The following STARD9 variants were observed in gnomAD, a reference collection of about 807,000 sequenced individuals.
The protein encoded by STARD9 is stAR-related lipid transfer protein 9.
Under a neutral mutation model 399.8 loss-of-function variants are expected in STARD9, and 346 were observed. That is an observed-to-expected ratio of 0.87 (90% CI 0.79 to 0.95). The LOEUF (loss-of-function observed/expected upper bound fraction) is 0.95. Ranked by LOEUF, STARD9 falls within the 40% of genes least tolerant of loss-of-function variation. The pLI, the probability that STARD9 is intolerant of heterozygous loss-of-function variation, is 0.00. For missense variants in STARD9, 5,832 were observed against 5,667.5 expected (o/e 1.03, Z -0.93); for synonymous variants, 2,203 against 2,143.5 (o/e 1.03, Z -0.77).
At chr15:42,576,498 C>T (rs1566844560) in intron 1 of STARD9, among the ~76,000 whole-genome samples, 1 of 151,982 alleles carries the variant, frequency 6.6e-6, no homozygotes, top group East Asian at 1.9e-4. Flanking sequence ...GTTTAAAGAG[C>T]CTTCTATGTA....
chr15:42,693,165 T>TC lies in STARD9; in HGVS notation c.11591dup (p.His3865SerfsTer41), dbSNP rs1459453923. 2 of 1,536,918 alleles carry TC rather than the reference T, an allele frequency of 1.3e-6. No homozygotes were observed. Among genetic ancestry groups the TC allele is most frequent in the African/African-American group, 2.7e-5 (2 of 72,952 alleles). ...AGTTGTCAGCAGTCCCAGTCCCAGCTCCCCTCATTCCCCAGGGCTCTTTCC... is the reference window on the plus strand; with the variant it reads ...AGTTGTCAGCAGTCCCAGTCCCAGCTCCCCCTCATTCCCCAGGGCTCTTTCC... On this transcript the variant is annotated frameshift_variant, in exon 23 of 33. Coordinates refer to ENST00000290607, the MANE Select transcript of STARD9 (RefSeq NM_020759.3). LOFTEE classifies it high-confidence loss of function.
chr15:42,644,207 T>C (rs1349045889), intron 7 of STARD9, among the ~76,000 whole-genome samples: 1 of 152,208 alleles, frequency 6.6e-6, no homozygotes, highest in African/African-American at 2.4e-5. Flanking sequence ...AAAATGTACA[T>C]ACTTGGCCGG....
chr15:42,703,417 G>A (rs1595809617), intron 26 of STARD9, among the ~76,000 whole-genome samples: 1 of 150,264 alleles, frequency 6.7e-6, no homozygotes, highest in Non-Finnish European at 1.5e-5. Context: ...AGGCTGGAGT[G>A]CAGTGGCACA....
chr15:42,654,680 A>G (rs2059828059), intron 9 of STARD9, among the ~76,000 whole-genome samples: 1 of 152,156 alleles, frequency 6.6e-6, no homozygotes, highest in South Asian at 2.1e-4. Flanking sequence ...CATTTTTTAC[A>G]ATAGCTGAAA....
intron 3 of STARD9, among the ~76,000 whole-genome samples, chr15:42,594,317 T>A (rs1595597923): frequency 6.6e-6 from 1 of 152,196 alleles, no homozygotes; most frequent in East Asian, 1.9e-4. Flanking sequence ...TAAAGGAATG[T>A]TGATCCTGCG....
In STARD9 at chr15:42,684,639, C is replaced by T; in HGVS notation, c.3061C>T (p.His1021Tyr). ...YPHGPRQTAG[H>Y]GKAVKTFWTE... The stretch of plus-strand genomic sequence containing the variant: ...TCATGGACCCAGGCAGACTGCTGGG[C>T]ACGGAAAGGCAGTCAAGACTTTTTG... Residue 1021 changes from histidine (H) to tyrosine (Y), a missense_variant, in exon 23 of 33, where the codon CAC becomes TAC. Transcript: ENST00000290607. The T allele has an allele frequency of 1.3e-6, 2 of 1,537,096 alleles. No homozygotes were observed. The highest frequency in any genetic ancestry group is 1.7e-6 in the Non-Finnish European group (2 of 1,146,850).
intron 3 of STARD9, among the ~76,000 whole-genome samples, chr15:42,596,914 C>T (rs1417011698): frequency 1.3e-5 from 2 of 152,178 alleles, no homozygotes; most frequent in Admixed American, 1.3e-4. Flanking sequence ...TCCCACTCAT[C>T]TTATTCTCTA....
intron 3 of STARD9, among the ~76,000 whole-genome samples, chr15:42,603,526 C>T (rs2058670216): frequency 2.6e-5 from 4 of 152,034 alleles, no homozygotes; most frequent in African/African-American, 9.7e-5. Flanking sequence ...CCCCATAGAG[C>T]CAATTTACCG....
At chr15:42,576,246 G>T (rs2058053493) in intron 1 of STARD9, among the ~76,000 whole-genome samples, 1 of 152,124 alleles carries the variant, frequency 6.6e-6, no homozygotes, top group African/African-American at 2.4e-5. Context: ...CACAGGTCGC[G>T]GTTTCTTTCT....
intron 3 of STARD9, among the ~76,000 whole-genome samples, chr15:42,596,056 G>A (rs2058497563): frequency 6.6e-6 from 1 of 152,216 alleles, no homozygotes; most frequent in African/African-American, 2.4e-5. Flanking sequence ...AAAATGAACA[G>A]TGGAAACTAG....
intron 1 of STARD9, among the ~76,000 whole-genome samples, chr15:42,576,200 CAGA>C (rs2058052694): frequency 1.3e-5 from 2 of 152,148 alleles, no homozygotes; most frequent in South Asian, 2.1e-4. Flanking sequence ...GTGGAGAAAG[CAGA>C]AGGTGAGGGC....
intron 3 of STARD9, among the ~76,000 whole-genome samples, chr15:42,589,391 G>A (rs550144623): frequency 8.5e-5 from 13 of 152,188 alleles, no homozygotes; most frequent in African/African-American, 3.1e-4. Flanking sequence ...ATTCAGGTGT[G>A]TAACTGACAC....
chr15:42,592,802 A>T (rs1217761568), intron 3 of STARD9, among the ~76,000 whole-genome samples: 1 of 152,158 alleles, frequency 6.6e-6, no homozygotes, highest in African/African-American at 2.4e-5. Context: ...AGTATTTGTT[A>T]ATATTTGGAC....
At chr15:42,647,090 C>A (rs1183411053) in intron 7 of STARD9, among the ~76,000 whole-genome samples, 1 of 152,158 alleles carries the variant, frequency 6.6e-6, no homozygotes, top group African/African-American at 2.4e-5. Flanking sequence ...GGTCACAGAT[C>A]ATCATAACAG....
Position 42,693,665 on chromosome 15 carries a change from C to T in STARD9, c.12087C>T (p.Asn4029=), listed in dbSNP as rs2060770756. Reference sequence around the variant, plus strand: ...GGCACAGGAGCCAAAGGCTGGGCAACAGCTTTGTGCCTGAGAAGGTGGCTT... The same window carrying T: ...GGCACAGGAGCCAAAGGCTGGGCAATAGCTTTGTGCCTGAGAAGGTGGCTT... ...PLRHRSQRLG[N]SFVPEKVASP... is the part of the protein sequence containing the mutation. The change falls in exon 23 of 33, where the codon AAC becomes AAT. Residue 4029 remains asparagine, a synonymous_variant. Coordinates refer to ENST00000290607, the MANE Select transcript of STARD9 (RefSeq NM_020759.3). The T allele has an allele frequency of 1.3e-6, 2 of 1,537,232 alleles. No homozygotes were observed. The highest frequency in any genetic ancestry group is 1.7e-6 in the Non-Finnish European group (2 of 1,146,918).
intron 22 of STARD9, 45 bp downstream of exon 22, chr15:42,682,620 C>T (rs2060459085): frequency 6.9e-7 from 1 of 1,444,934 alleles, no homozygotes; most frequent in Non-Finnish European, 9.2e-7. Context: ...TTAAAGTTTA[C>T]AACCTTCTTG....
At chr15:42,629,678 GT>G (rs1429024399) in intron 3 of STARD9, among the ~76,000 whole-genome samples, 1 of 152,110 alleles carries the variant, frequency 6.6e-6, no homozygotes, top group East Asian at 1.9e-4. Flanking sequence ...GGGCATTGTT[GT>G]CTTATTCCAG....
rs947055896 is a variant in STARD9 at position 42,677,644 on chromosome 15, G to A, written c.1874+1669G>A. Among the ~76,000 whole-genome samples the A allele has an allele frequency of 2.0e-5, 3 of 152,216 alleles. No individual in the cohort carries two copies. The East Asian group carries it at 5.8e-4, about 29-fold the overall frequency. On this transcript the variant is annotated intron_variant, in intron 20 of 32. Coordinates refer to ENST00000290607, the MANE Select transcript of STARD9 (RefSeq NM_020759.3). ...AGAATGGAAGAGATGCATTGCAGCA[G>A]ACAAAACCGATTCACGTCCTGGCTG...
At chr15:42,581,225 C>T in intron 1 of STARD9, 1 of 790,478 alleles carries the variant, frequency 1.3e-6, no homozygotes, top group East Asian at 2.4e-5. Flanking sequence ...GTGGAGTCTT[C>T]AGTTAAGGTG....
Sources: allele counts gnomAD v4.1 joint callset (sites outside exome capture counted in the v4.1 genomes callset), GRCh38; gene constraint gnomAD v4.1.1; transcripts MANE v1.5; gene names NCBI Gene and HGNC (gene_info 2026-07-23, HGNC 2026-07-21).